Variants in TERF2 observed in about 807,000 individuals in gnomAD.
TERF2 encodes the protein telomeric repeat binding factor 2, also known as telomeric repeat-binding factor 2.
TERF2 carries 16 observed loss-of-function variants against 56.1 expected under a neutral mutation model. That is an observed-to-expected ratio of 0.29 (90% CI 0.19 to 0.43). The LOEUF (loss-of-function observed/expected upper bound fraction) is 0.43. TERF2 is among the 20% of genes least tolerant of loss of function. The probability of loss-of-function intolerance (pLI) is 1.00; values close to 1 mark genes in which losing one functional copy is unlikely to be tolerated. For missense variants in TERF2, 547 were observed against 712.9 expected, an observed-to-expected ratio of 0.77 and a Z score of 2.65; for synonymous variants, 296 against 282.1, an observed-to-expected ratio of 1.05 and a Z score of -0.50.
At position 69,372,257 on chromosome 16, in the gene TERF2, T is replaced by G. The variant is rs763607964; in HGVS notation, c.693+12A>C. ...AATTTAAGTCACAGGAGCAAAAATG[T>G]ATCAAATTTACCTGAGTTGTGGGGT... is the stretch of plus-strand genomic sequence containing the variant. On this transcript the variant is annotated intron_variant, in intron 4 of 9. Transcript: ENST00000254942. 2.5e-6 allele frequency: 4 copies of G among 1,586,204 alleles called. No individual in the cohort carries two copies. The highest frequency in any genetic ancestry group is 2.6e-6 in the Non-Finnish European group (3 of 1,167,022).
At chr16:69,384,982 A>G (rs1286165939) in intron 2 of TERF2, among the ~76,000 whole-genome samples, 1 of 152,172 alleles carries the variant, frequency 6.6e-6, no homozygotes, top group Non-Finnish European at 1.5e-5. Context: ...TTCAGAATAT[A>G]CCCATCCTCC....
rs1248977538 is a variant in TERF2, at chr16:69,384,444, T to C, written c.606+136A>G. On this transcript the variant is annotated intron_variant, in intron 3 of 9. Coordinates refer to ENST00000254942, the MANE Select transcript of TERF2 (RefSeq NM_005652.5). The stretch of plus-strand genomic sequence containing the variant: ...GAGACACCTGAAGAAATAACGTCTG[T>C]GTGTGTGCTTTCTTGCTTGCTCAAT... 6.7e-6 allele frequency: 6 copies of C among 891,144 alleles called. No individual in the cohort carries two copies. In the East Asian group the frequency reaches 1.7e-4, roughly 25 times the overall value. The allele number at this position is 891,144 out of a possible 1,614,324, so 55.2% of individuals were successfully genotyped here. A position where few individuals can be genotyped will look rare whatever the true frequency, so the allele number is the denominator to read the frequency against.
rs1052048581 is a variant in TERF2 at position 69,356,693 on chromosome 16, G to C, written c.*205C>G. 2 of 482,564 alleles carry C rather than the reference G, an allele frequency of 4.1e-6. No individual in the cohort carries two copies. The highest frequency in any genetic ancestry group is 7.1e-6 in the Non-Finnish European group (2 of 282,740). 29.9% of individuals were successfully genotyped at this position (482,564 alleles called of 1,614,324 possible). Reference sequence around the variant, plus strand: ...CGGGCGCCTGTAGTCCCAGCTACTCGGGAGGCTGAGGCAGGAGAATGGCGT... The same window carrying C: ...CGGGCGCCTGTAGTCCCAGCTACTCCGGAGGCTGAGGCAGGAGAATGGCGT... On this transcript the variant is annotated 3_prime_UTR_variant, in exon 10 of 10. Transcript: ENST00000254942.
rs892268339 is a variant in TERF2, at chr16:69,385,959, C to T, written c.13G>A (p.Ala5Thr). Residue 5 changes from alanine (A) to threonine (T), a missense_variant, in exon 1 of 10, where the codon GCC becomes ACC. By Grantham distance (58) the Ala-to-Thr change is moderately conservative (BLOSUM62 0). This residue lies in a region of TERF2 where 85 missense variants were observed against 59.5 expected (regional missense o/e 1.43). Coordinates refer to ENST00000254942, the MANE Select transcript of TERF2 (RefSeq NM_005652.5). ...CCGGAAGCGGGGCCCGCCGTCCCGG[C>T]TCCCGCGGCCATGATAGAAACAGCG... MAAG[A>T]GTAGPASGPG... 3.7e-6 allele frequency: 5 copies of T among 1,356,458 alleles called. No individual in the cohort carries two copies. The highest frequency in any genetic ancestry group is 7.1e-5 in the Admixed American group (2 of 28,290). 84.0% of individuals were successfully genotyped at this position (1,356,458 alleles called of 1,614,324 possible). A position where few individuals can be genotyped will look rare whatever the true frequency, so the allele number is the denominator to read the frequency against.
intron 3 of TERF2, among the ~76,000 whole-genome samples, chr16:69,375,216 C>G (rs1317638608): frequency 1.3e-5 from 2 of 152,164 alleles, no homozygotes; most frequent in African/African-American, 4.8e-5. Context: ...GATGCTAAAA[C>G]AGTCTCATTT....
At chr16:69,368,271 A>T in intron 6 of TERF2, 105 bp downstream of exon 6, 1 of 1,003,666 alleles carries the variant, frequency 1.0e-6, no homozygotes, top group Non-Finnish European at 1.5e-6. Context: ...GTAACACGTT[A>T]GTAGGTCGGA....
At chr16:69,357,425 G>T in intron 9 of TERF2, 93 bp downstream of exon 9, 1 of 1,058,674 alleles carries the variant, frequency 9.4e-7, no homozygotes, top group Non-Finnish European at 1.4e-6. Flanking sequence ...TTTTTACTGG[G>T]TACATAACCA....
chr16:69,357,560 T>C lies in TERF2; in HGVS notation c.1428A>G (p.Ala476=), dbSNP rs2012951781. 6.2e-7 allele frequency: 1 copy of C among 1,613,446 alleles called. No homozygotes were observed. Among genetic ancestry groups the C allele is most frequent in the Non-Finnish European group, 8.5e-7 (1 of 1,179,838 alleles). The change falls in exon 9 of 10, where the codon GCA becomes GCG. Residue 476 remains alanine (A), a splice_region_variant and synonymous_variant. Coordinates refer to ENST00000254942, the MANE Select transcript of TERF2 (RefSeq NM_005652.5). The stretch of plus-strand genomic sequence containing the variant: ...TGGTTGTACTGTCTTCATCTGGTGC[T>C]GCTGGAAAACATTAAAAGTAGACTC... The part of the protein sequence containing the change: ...VEEDELFQVQ[A]APDEDSTTNI...
intron 3 of TERF2, among the ~76,000 whole-genome samples, chr16:69,372,654 C>G (rs572188892): frequency 6.6e-6 from 1 of 151,940 alleles, no homozygotes; most frequent in African/African-American, 2.4e-5. Flanking sequence ...CCCAGCTACT[C>G]GGGAGGCTGA....
chr16:69,366,653 C>T (rs2013356102), intron 7 of TERF2, 154 bp downstream of exon 7: 9 of 1,000,988 alleles, frequency 9.0e-6, no homozygotes, highest in Non-Finnish European at 1.1e-5. Context: ...ATGGCTACGT[C>T]GTCACTGGCC....
Position 69,356,800 on chromosome 16 carries a change from A to AC in TERF2, c.*97_*98insG. ...GGGTGACAGAGCGAGACTCTGTCTC[A>AC]AAAAAAAAAAAAAAAGAAAAAGAAA... On this transcript the variant is annotated 3_prime_UTR_variant, in exon 10 of 10. Transcript: ENST00000254942. 1 of 197,146 alleles carries AC rather than the reference A, an allele frequency of 5.1e-6. No individual in the cohort carries two copies. Among genetic ancestry groups the AC allele is most frequent in the Non-Finnish European group, 8.8e-6 (1 of 113,578 alleles). 12.2% of individuals were successfully genotyped at this position (197,146 alleles called of 1,614,324 possible).
intron 3 of TERF2, among the ~76,000 whole-genome samples, chr16:69,374,057 C>T (rs1473487248): frequency 6.6e-6 from 1 of 152,140 alleles, no homozygotes; most frequent in Admixed American, 6.5e-5. Flanking sequence ...AGGGAAGGTA[C>T]AAAGTAAGTC....
At chr16:69,385,515 G>A (rs1464228264) in intron 1 of TERF2, 29 bp from the exon 2 acceptor site, 2 of 1,612,856 alleles carry the variant, frequency 1.2e-6, no homozygotes, top group Non-Finnish European at 1.7e-6. Flanking sequence ...TTGGCTGGGC[G>A]ACCCCCAGTC....
At position 69,355,888 on chromosome 16, in the gene TERF2, A is replaced by G; in HGVS notation, c.*1010T>C. ...CCAGCATAAGGAAGGGAATTGGGAA[A>G]AGAGGCAGGGGACAGGGGGCAGGGG... On this transcript the variant is annotated 3_prime_UTR_variant, in exon 10 of 10. Coordinates refer to ENST00000254942, the MANE Select transcript of TERF2 (RefSeq NM_005652.5). 1 of 157,638 alleles carries G rather than the reference A, an allele frequency of 6.3e-6. No individual in the cohort carries two copies. Among genetic ancestry groups the G allele is most frequent in the Non-Finnish European group, 1.4e-5 (1 of 71,046 alleles). 9.8% of individuals were successfully genotyped at this position (157,638 alleles called of 1,614,324 possible). A position where few individuals can be genotyped will look rare whatever the true frequency, so the allele number is the denominator to read the frequency against.
In TERF2 at chr16:69,359,320, G is replaced by C. The variant is rs150083998; in HGVS notation, c.1427-1759C>G. Among the ~76,000 whole-genome samples the C allele has an allele frequency of 9.2e-5, 14 of 152,206 alleles. No individual in the cohort carries two copies. The East Asian group carries it at 2.7e-3, about 29-fold the overall frequency. The stretch of plus-strand genomic sequence containing the variant: ...AGGCGGGCGGATCACTTGAGGTCAG[G>C]AGTTCGAGACTAGTCTGGACAACAT... On this transcript the variant is annotated intron_variant, in intron 8 of 9. Transcript: ENST00000254942.
intron 7 of TERF2, chr16:69,365,714 C>G (rs1211957671): frequency 6.6e-6 from 1 of 152,144 alleles, no homozygotes; most frequent in Non-Finnish European, 1.5e-5. Context: ...TTAGTAGAGA[C>G]GGAGTTTCAC....
chr16:69,371,017 AC>A (rs2013553166), intron 4 of TERF2, among the ~76,000 whole-genome samples: 1 of 151,674 alleles, frequency 6.6e-6, no homozygotes, highest in African/African-American at 2.4e-5. Flanking sequence ...ACACACACAC[AC>A]AATTTGCTTG....
chr16:69,356,809 A>G lies in TERF2; in HGVS notation c.*89T>C. On this transcript the variant is annotated 3_prime_UTR_variant, in exon 10 of 10. Coordinates refer to ENST00000254942, the MANE Select transcript of TERF2 (RefSeq NM_005652.5). ...AGCGAGACTCTGTCTCAAAAAAAAA[A>G]AAAAAAGAAAAAGAAAGAAAGAGCA... is the stretch of plus-strand genomic sequence containing the variant. 1.4e-6 allele frequency: 2 copies of G among 1,445,350 alleles called. No homozygotes were observed. The highest frequency in any genetic ancestry group is 1.4e-5 in the South Asian group (1 of 69,336). The allele number at this position is 1,445,350 out of a possible 1,614,324, so 89.5% of individuals were successfully genotyped here.
In TERF2 at chr16:69,361,547, G is replaced by C. The variant is rs926497477; in HGVS notation, c.1341-58C>G. ...AACAAATTCACCCTGGATTGTCCCA[G>C]ATTCTGGTCTTGGCTCACTCTTGGC... On this transcript the variant is annotated intron_variant, in intron 7 of 9. Transcript: ENST00000254942. 8 of 1,265,682 alleles carry C rather than the reference G, an allele frequency of 6.3e-6. No individual in the cohort carries two copies. The Admixed American group carries it at 6.7e-5, about 11-fold the overall frequency. 78.4% of individuals were successfully genotyped at this position (1,265,682 alleles called of 1,614,324 possible).
Sources: gnomAD v4.1 joint callset for allele counts (sites outside exome capture counted in the v4.1 genomes callset) on GRCh38, gnomAD v4.1.1 for gene constraint, gnomAD v4.1.1 regional missense constraint, MANE v1.5 for transcripts, NCBI Gene and HGNC (gene_info 2026-07-23, HGNC 2026-07-21) for gene names.